ATG7: variants seen among roughly 807,000 people sequenced by gnomAD.
The protein encoded by ATG7 is ubiquitin-like modifier-activating enzyme ATG7.
Under a neutral mutation model 82.4 loss-of-function variants are expected in ATG7, and 70 were observed. That is an observed-to-expected ratio of 0.85 (90% CI 0.70 to 1.04). ATG7 has a LOEUF of 1.04. Among genes scored for constraint, ATG7 ranks in the 50% least tolerant of loss-of-function variants. The pLI is 0.00. For synonymous variants in ATG7, 287 were observed against 313.0 expected (o/e 0.92, Z 0.88); for missense variants, 792 against 864.3 (o/e 0.92, Z 1.05).
At chr3:11,355,159 C>T (rs1049408544) in intron 14 of ATG7, among the ~76,000 whole-genome samples, 3 of 152,204 alleles carry the variant, frequency 2.0e-5, no homozygotes, top group Non-Finnish European at 2.9e-5. Context: ...CAAAAACACA[C>T]TACCAGAGAG....
At chr3:11,560,883 G>A (rs2072924394), downstream of ATG7, among the ~76,000 whole-genome samples, 1 of 152,192 alleles carries the variant, frequency 6.6e-6, no homozygotes, top group Admixed American at 6.5e-5. Context: ...AGGGCCTCGG[G>A]TGAGAGACTT....
intron 20 of ATG7, among the ~76,000 whole-genome samples, chr3:11,441,957 C>T (rs910960798): frequency 1.3e-5 from 2 of 152,090 alleles, no homozygotes; most frequent in Non-Finnish European, 2.9e-5. Flanking sequence ...TGAGCCACCG[C>T]GCCTGGCCCA....
the ATG7 span, among the ~76,000 whole-genome samples, chr3:11,575,053 G>C: frequency 6.6e-6 from 1 of 152,032 alleles, no homozygotes; most frequent in African/African-American, 2.4e-5. Flanking sequence ...CTTCTTCAAC[G>C]CTCGTGCCAA....
At chr3:11,301,164 T>C (rs1946722961) in intron 5 of ATG7, among the ~76,000 whole-genome samples, 1 of 152,040 alleles carries the variant, frequency 6.6e-6, no homozygotes, top group African/African-American at 2.4e-5. Context: ...AAACTAACAG[T>C]GTCAGAAGCA....
chr3:11,490,005 G>T (rs1259494315), intron 20 of ATG7, among the ~76,000 whole-genome samples: 3 of 152,018 alleles, frequency 2.0e-5, no homozygotes, highest in African/African-American at 7.2e-5. Flanking sequence ...GCTTGGTGCA[G>T]AGCTGAGTTC....
intron 19 of ATG7, among the ~76,000 whole-genome samples, chr3:11,418,269 T>A (rs1278936606): frequency 9.5e-6 from 1 of 104,962 alleles, no homozygotes; most frequent in East Asian, 3.6e-4. Flanking sequence ...CATACCTGGC[T>A]ATTTTTTTTT....
At chr3:11,468,493 G>T (rs1383857228) in intron 20 of ATG7, among the ~76,000 whole-genome samples, 2 of 152,180 alleles carry the variant, frequency 1.3e-5, no homozygotes, top group Non-Finnish European at 2.9e-5. Flanking sequence ...CAGCTGCTGG[G>T]ACTTAGGCAC....
intron 13 of ATG7, 33 bp downstream of exon 13, chr3:11,342,312 T>C (rs1366992319): frequency 6.3e-7 from 1 of 1,589,914 alleles, no homozygotes; most frequent in African/African-American, 1.3e-5. Flanking sequence ...AAATGGCACC[T>C]TTGAAGTTGT....
Position 11,556,902 on chromosome 3 carries a change from C to G in ATG7, c.*2059C>G, listed in dbSNP as rs2072475370. 1 of 152,782 alleles carries G rather than the reference C, an allele frequency of 6.5e-6. No individual in the cohort carries two copies. The allele number at this position is 152,782 out of a possible 1,614,324, so 9.5% of individuals were successfully genotyped here. ...AGGAGAAGGGCTTTTCTTTCCTCCA[C>G]TTTTCAAAGGCCTGCAGCCACTCTG... On this transcript the variant is annotated 3_prime_UTR_variant, in exon 21 of 21. Coordinates refer to ENST00000693202, the MANE Select transcript of ATG7 (RefSeq NM_001349232.2).
downstream of ATG7, among the ~76,000 whole-genome samples, chr3:11,560,252 T>C (rs1469337476): frequency 6.6e-6 from 1 of 152,230 alleles, no homozygotes; most frequent in Non-Finnish European, 1.5e-5. Context: ...CCAGGCAGTA[T>C]GTCTGGCCCC....
chr3:11,408,871 C>T (rs916569761), intron 19 of ATG7, among the ~76,000 whole-genome samples: 1 of 152,100 alleles, frequency 6.6e-6, no homozygotes, highest in Non-Finnish European at 1.5e-5. Context: ...TATTAGTCTC[C>T]CAAAATGCTG....
rs180789149 is a variant in ATG7, at chr3:11,340,797, C to A, written c.980+62C>A. 54 of 1,447,946 alleles carry A rather than the reference C, an allele frequency of 3.7e-5. No homozygotes were observed. The East Asian group carries it at 1.2e-3, about 32-fold the overall frequency. 89.7% of individuals were successfully genotyped at this position (1,447,946 alleles called of 1,614,324 possible). A position where few individuals can be genotyped will look rare whatever the true frequency, so the allele number is the denominator to read the frequency against. On this transcript the variant is annotated intron_variant, in intron 12 of 20. Transcript: ENST00000693202. ...TTGTAACCAAGACACACACCAAGTTCTGTCAGGCCAACACAACATTGTGTA... is the reference window on the plus strand; with the variant it reads ...TTGTAACCAAGACACACACCAAGTTATGTCAGGCCAACACAACATTGTGTA...
the ATG7 span, among the ~76,000 whole-genome samples, chr3:11,565,751 C>G: frequency 2.0e-5 from 3 of 152,192 alleles, no homozygotes; most frequent in Non-Finnish European, 4.4e-5. This position sits in a 1 kb window ranked among gnomAD's most constrained non-coding sequence, Gnocchi z 4.1. Flanking sequence ...CACGTGGAAT[C>G]CAGGTGAGAC....
At chr3:11,568,865 G>A in the ATG7 span, 23 of 1,368,400 alleles carry the variant, frequency 1.7e-5, no homozygotes, top group Middle Eastern at 2.8e-4. This position sits in a 1 kb window ranked among gnomAD's most constrained non-coding sequence, Gnocchi z 5.9. Context: ...TATCAGAGCC[G>A]CTGAGGCTGC....
intron 5 of ATG7, among the ~76,000 whole-genome samples, chr3:11,299,793 TTAG>T (rs1946496912): frequency 6.6e-6 from 1 of 152,228 alleles, no homozygotes; most frequent in Admixed American, 6.5e-5. Context: ...TGAATGTTTA[TTAG>T]TCTACTTCTG....
At chr3:11,415,342 C>A (rs1304658643) in intron 19 of ATG7, among the ~76,000 whole-genome samples, 1 of 152,064 alleles carries the variant, frequency 6.6e-6, no homozygotes, top group Non-Finnish European at 1.5e-5. Flanking sequence ...ACCACTGTAG[C>A]CTTGAAAAAC....
intron 20 of ATG7, among the ~76,000 whole-genome samples, chr3:11,465,764 AAAAAAT>A (rs1049328470): frequency 1.8e-4 from 28 of 152,116 alleles, no homozygotes; most frequent in African/African-American, 3.1e-4. Flanking sequence ...CCCTGCTTCA[AAAAAAT>A]AAAAATAAAA....
At chr3:11,503,397 T>C (rs533298771) in intron 20 of ATG7, among the ~76,000 whole-genome samples, 68 of 152,316 alleles carry the variant, frequency 4.5e-4, no homozygotes, top group Middle Eastern at 3.4e-3. Flanking sequence ...ATATAATATG[T>C]ACATATATCT....
intron 20 of ATG7, among the ~76,000 whole-genome samples, chr3:11,531,772 G>A (rs185969398): frequency 2.6e-5 from 4 of 151,894 alleles, no homozygotes; most frequent in East Asian, 1.9e-4. Context: ...GCTGAGGTGG[G>A]AGGATCACCT....
Sources: allele counts gnomAD v4.1 joint callset (sites outside exome capture counted in the v4.1 genomes callset), GRCh38; gene constraint gnomAD v4.1.1; non-coding constraint Gnocchi (gnomAD v3.1); transcripts MANE v1.5; gene names NCBI Gene and HGNC (gene_info 2026-07-23, HGNC 2026-07-21).